LRFN2: variants seen among roughly 807,000 people sequenced by gnomAD.
LRFN2 encodes leucine rich repeat and fibronectin type III domain containing 2.
LRFN2 carries 18 observed loss-of-function variants against 37.3 expected under a neutral mutation model. The observed-to-expected ratio is 0.48, with a 90% CI of 0.33 to 0.72. The LOEUF (loss-of-function observed/expected upper bound fraction) is 0.72, where lower values mean the gene tolerates loss of function less well. LRFN2 is among the 30% of genes least tolerant of loss of function. The pLI is 0.02. For synonymous variants in LRFN2, 556 were observed against 466.6 expected (o/e 1.19, Z -2.47); for missense variants, 1,006 against 1,060.7 (o/e 0.95, Z 0.72).
intron 1 of LRFN2, among the ~76,000 whole-genome samples, chr6:40,544,718 C>T (rs1003502228): frequency 2.6e-5 from 4 of 152,212 alleles, no homozygotes; most frequent in Non-Finnish European, 5.9e-5. Context: ...AAAGGGATGG[C>T]CCATCTCCCG....
chr6:40,485,084 C>T (rs1764922808), intron 1 of LRFN2, among the ~76,000 whole-genome samples: 1 of 152,224 alleles, frequency 6.6e-6, no homozygotes, highest in Non-Finnish European at 1.5e-5. Context: ...GATCATTAAC[C>T]TACTTCCTCT....
rs776997956 is a variant in LRFN2, at chr6:40,392,373, G to A, written c.1940C>T (p.Pro647Leu). The change falls in exon 3 of 3, where the codon CCG (proline) becomes CTG (leucine). Residue 647 changes from proline (P) to leucine (L), a missense_variant. Physicochemically the swap from Pro to Leu is moderately conservative, Grantham distance 98. Around this residue, in one of 4 missense-constraint regions of LRFN2, gnomAD observed 398 missense variants for 327.6 expected, o/e 1.21. Transcript: ENST00000338305. The surrounding 1 kb of genome is among the most constrained non-coding windows in gnomAD (Gnocchi z 4.7). Reference sequence around the variant, plus strand: ...GCGGTCAAGGCTGGGCTTGGGGCGCGGGGCGGAGGGTGGGATCCTCCAGGG... The same window carrying A: ...GCGGTCAAGGCTGGGCTTGGGGCGCAGGGCGGAGGGTGGGATCCTCCAGGG... The part of the protein sequence containing the change: ...RAPWRIPPSA[P>L]RPKPSLDRLM... The A allele has an allele frequency of 6.9e-6, 11 of 1,595,750 alleles. 1 individual carries two copies. Among genetic ancestry groups the A allele is most frequent in the South Asian group, 6.8e-5 (6 of 88,502 alleles).
chr6:40,558,256 G>C (rs1356768009), intron 1 of LRFN2, among the ~76,000 whole-genome samples: 1 of 152,220 alleles, frequency 6.6e-6, no homozygotes, highest in East Asian at 1.9e-4. Context: ...CTAGGCAGGA[G>C]CAGCCAGCAG....
intron 1 of LRFN2, among the ~76,000 whole-genome samples, chr6:40,556,751 A>ACACGCG (rs1554144347): frequency 5.3e-5 from 7 of 133,070 alleles, no homozygotes; most frequent in African/African-American, 2.1e-4. Flanking sequence ...ACACACACAC[A>ACACGCG]CGCACACACT....
At chr6:40,492,315 C>A (rs1016867697) in intron 1 of LRFN2, among the ~76,000 whole-genome samples, 3 of 152,134 alleles carry the variant, frequency 2.0e-5, no homozygotes, top group Non-Finnish European at 4.4e-5. Context: ...TGTCCTGGAA[C>A]CTGCTCTCCT....
At chr6:40,418,467 C>T (rs1160623399) in intron 2 of LRFN2, among the ~76,000 whole-genome samples, 1 of 152,208 alleles carries the variant, frequency 6.6e-6, no homozygotes, top group African/African-American at 2.4e-5. Flanking sequence ...CCTATCACTT[C>T]CCTAGGCAAG....
intron 1 of LRFN2, among the ~76,000 whole-genome samples, chr6:40,538,466 A>C (rs1358256797): frequency 6.6e-5 from 10 of 152,182 alleles, no homozygotes; most frequent in Admixed American, 2.0e-4. Flanking sequence ...GTCCAATTAC[A>C]CTGAGAGACT....
intron 1 of LRFN2, among the ~76,000 whole-genome samples, chr6:40,435,042 TATATATATATAGAGAGAGAG>T (rs1281708450): frequency 5.2e-4 from 48 of 91,990 alleles, no homozygotes; most frequent in South Asian, 4.6e-3. Context: ...TATATATATA[TATATATATATAGAGAGAGAG>T]AGAGAGAGAG....
chr6:40,512,197 T>C (rs1765729394), intron 1 of LRFN2, among the ~76,000 whole-genome samples: 1 of 152,132 alleles, frequency 6.6e-6, no homozygotes, highest in Non-Finnish European at 1.5e-5. Context: ...AGCCAATGGA[T>C]CATCTCTGTT....
chr6:40,517,957 C>A lies in LRFN2; in HGVS notation c.-19+68984G>T, dbSNP rs188350191. Among the ~76,000 whole-genome samples the A allele has an allele frequency of 2.4e-3, 371 of 152,286 alleles. 5 individuals carry two copies. The highest frequency in any genetic ancestry group is 1.5e-3 in the East Asian group (8 of 5,174). ...GCCTGTTTTCCTCCTGCTCCCCACC[C>A]ACTTTCTCTGACTCCTCATCTCCCA... is the stretch of plus-strand genomic sequence containing the variant. On this transcript the variant is annotated intron_variant, in intron 1 of 2. Transcript: ENST00000338305.
chr6:40,582,697 C>A (rs925877125), intron 1 of LRFN2, among the ~76,000 whole-genome samples: 6 of 139,754 alleles, frequency 4.3e-5, no homozygotes, highest in African/African-American at 1.4e-4. Flanking sequence ...TCAGTTACAA[C>A]GTAAGGAAAT....
intron 1 of LRFN2, among the ~76,000 whole-genome samples, chr6:40,492,173 G>C (rs962437452): frequency 6.6e-6 from 1 of 152,204 alleles, no homozygotes; most frequent in South Asian, 2.1e-4. Flanking sequence ...TCTGGAATTG[G>C]GAGGAACGGG....
intron 1 of LRFN2, among the ~76,000 whole-genome samples, chr6:40,579,960 C>T (rs1184391188): frequency 6.6e-6 from 1 of 152,140 alleles, no homozygotes; most frequent in East Asian, 1.9e-4. Flanking sequence ...CTTAAAGGAA[C>T]AGGGCCTTAA....
chr6:40,501,925 T>C (rs1162935542), intron 1 of LRFN2, among the ~76,000 whole-genome samples: 1 of 152,158 alleles, frequency 6.6e-6, no homozygotes, highest in Non-Finnish European at 1.5e-5. Context: ...TTGATGTGCA[T>C]TTTGTCATTA....
chr6:40,433,016 G>C lies in LRFN2; in HGVS notation c.98C>G (p.Ser33Ter), dbSNP rs756652349. 6.2e-7 allele frequency: 1 copy of C among 1,603,504 alleles called. No homozygotes were observed. Among genetic ancestry groups the C allele is most frequent in the Non-Finnish European group, 8.5e-7 (1 of 1,174,610 alleles). Reference protein sequence around the residue: ...KYCVCQNLSESLGTLCPSKGL... With the variant: ...KYCVCQNLSE ...CTTGGAGGGGCACAGGGTCCCCAGTGACTCAGACAGATTCTGGCAGACACA... is the reference window on the plus strand; with the variant it reads ...CTTGGAGGGGCACAGGGTCCCCAGTCACTCAGACAGATTCTGGCAGACACA... Residue 33 changes from serine (S) to a stop codon, truncating the protein, a stop_gained, in exon 2 of 3, where the codon TCA (serine) becomes TGA (stop). Transcript: ENST00000338305. LOFTEE classifies it high-confidence loss of function.
intron 2 of LRFN2, among the ~76,000 whole-genome samples, chr6:40,409,139 C>A (rs1762907747): frequency 6.6e-6 from 1 of 152,184 alleles, no homozygotes; most frequent in Non-Finnish European, 1.5e-5. Context: ...ACTATTGCAC[C>A]CTTAATAAAG....
Position 40,392,987 on chromosome 6 carries a change from T to A in LRFN2, c.1401-75A>T. ...CAGGGTGATGGGGAGTGGACAGAGG[T>A]AGAAACAGAGTGACAGAGATGGGGA... On this transcript the variant is annotated intron_variant, in intron 2 of 2. Coordinates refer to ENST00000338305, the MANE Select transcript of LRFN2 (RefSeq NM_020737.3). This position sits in a 1 kb window ranked among gnomAD's most constrained non-coding sequence, Gnocchi z 4.7. 1 of 1,269,218 alleles carries A rather than the reference T, an allele frequency of 7.9e-7. No individual in the cohort carries two copies. The highest frequency in any genetic ancestry group is 1.0e-6 in the Non-Finnish European group (1 of 968,168). The allele number at this position is 1,269,218 out of a possible 1,614,324, so 78.6% of individuals were successfully genotyped here. A position where few individuals can be genotyped will look rare whatever the true frequency, so the allele number is the denominator to read the frequency against.
intron 1 of LRFN2, among the ~76,000 whole-genome samples, chr6:40,504,669 C>A (rs896840464): frequency 1.3e-5 from 2 of 152,104 alleles, no homozygotes; most frequent in African/African-American, 4.8e-5. Flanking sequence ...AGGGCTTGAA[C>A]CTGAAGCCCA....
intron 1 of LRFN2, among the ~76,000 whole-genome samples, chr6:40,460,447 C>A (rs1764324136): frequency 6.6e-6 from 1 of 152,088 alleles, no homozygotes; most frequent in Non-Finnish European, 1.5e-5. Flanking sequence ...ATAGGAGGGG[C>A]AAATTCTATG....
Sources: allele counts gnomAD v4.1 joint callset (sites outside exome capture counted in the v4.1 genomes callset), GRCh38; gene constraint gnomAD v4.1.1; regional missense constraint gnomAD v4.1.1; non-coding constraint Gnocchi (gnomAD v3.1); transcripts MANE v1.5; gene names NCBI Gene and HGNC (gene_info 2026-07-23, HGNC 2026-07-21).